The following NLRP14 variants were observed in gnomAD, a reference collection of about 807,000 sequenced individuals.
The protein encoded by NLRP14 is NACHT, LRR and PYD domains-containing protein 14.
A neutral mutation model predicts 94.7 loss-of-function variants in NLRP14; 105 were observed. That is an observed-to-expected ratio of 1.11 (90% CI 0.95 to 1.30). The LOEUF (loss-of-function observed/expected upper bound fraction) is 1.30. NLRP14 is among the 50% of genes most tolerant of loss of function. NLRP14 has a pLI of 0.00. For missense variants in NLRP14, 1,362 were observed against 1,254.1 expected (o/e 1.09, Z -1.30); for synonymous variants, 508 against 459.9 (o/e 1.10, Z -1.34).
chr11:7,059,576 C>T (rs1852580761), intron 8 of NLRP14, among the ~76,000 whole-genome samples: 1 of 151,944 alleles, frequency 6.6e-6, no homozygotes, highest in Non-Finnish European at 1.5e-5. Flanking sequence ...ATTAAGATTA[C>T]TCTTATTCTA....
chr11:7,069,831 T>G (rs1206662711), intron 10 of NLRP14, among the ~76,000 whole-genome samples: 1 of 152,120 alleles, frequency 6.6e-6, no homozygotes, highest in African/African-American at 2.4e-5. Flanking sequence ...TTCACCATGT[T>G]GGCCTGGTTG....
At chr11:7,058,184 A>C in intron 7 of NLRP14, 96 bp from the exon 8 acceptor site, 1 of 967,522 alleles carries the variant, frequency 1.0e-6, no homozygotes, top group Non-Finnish European at 1.7e-6. Flanking sequence ...TAGTTGAGGT[A>C]TGGGGGTTAT....
the NLRP14 span, among the ~76,000 whole-genome samples, chr11:7,084,226 C>A: frequency 6.6e-6 from 1 of 152,156 alleles, no homozygotes; most frequent in African/African-American, 2.4e-5. Flanking sequence ...AAAGTCAGTC[C>A]TGGGGAAAAG....
chr11:7,025,912 T>C (rs1852008765), intron 1 of NLRP14, among the ~76,000 whole-genome samples: 1 of 152,066 alleles, frequency 6.6e-6, no homozygotes, highest in South Asian at 2.1e-4. Context: ...TACAATAAAA[T>C]AAAGCCACGC....
At chr11:7,062,775 G>C (rs896109491) in intron 10 of NLRP14, among the ~76,000 whole-genome samples, 2 of 151,994 alleles carry the variant, frequency 1.3e-5, no homozygotes, top group African/African-American at 2.4e-5. Context: ...TTCATGTTCT[G>C]TCATCCTTCA....
chr11:7,089,917 G>A, the NLRP14 span: 83 of 1,612,944 alleles, frequency 5.1e-5, no homozygotes, highest in African/African-American at 9.1e-4. Context: ...TACGGAGGTC[G>A]CGACCGTGAC....
chr11:7,037,487 G>T (rs1314361015), intron 1 of NLRP14, among the ~76,000 whole-genome samples: 4 of 152,144 alleles, frequency 2.6e-5, no homozygotes, highest in Non-Finnish European at 5.9e-5. Flanking sequence ...TTTAGTGAAA[G>T]ATCTAAGTTG....
chr11:7,045,708 G>T (rs1327791058), intron 4 of NLRP14, among the ~76,000 whole-genome samples: 3 of 151,670 alleles, frequency 2.0e-5, no homozygotes, highest in Admixed American at 6.6e-5. Context: ...TATATATAAG[G>T]CAACACACTA....
chr11:7,028,650 A>G (rs868516209), intron 1 of NLRP14, among the ~76,000 whole-genome samples: 23 of 152,190 alleles, frequency 1.5e-4, no homozygotes, highest in Middle Eastern at 3.4e-3. Flanking sequence ...CTCTCTTCCT[A>G]CCTTTCTCAT....
chr11:7,089,097 T>TGACC, the NLRP14 span: 1 of 1,608,278 alleles, frequency 6.2e-7, no homozygotes, highest in Non-Finnish European at 8.5e-7. Context: ...CCACCGCCAC[T>TGACC]GACCGACCGT....
At chr11:7,053,254 A>G (rs117508699) in intron 6 of NLRP14, among the ~76,000 whole-genome samples, 20 of 152,112 alleles carry the variant, frequency 1.3e-4, no homozygotes, top group Non-Finnish European at 2.2e-4. Context: ...TTTCAAAATC[A>G]GTAAGTTTGG....
chr11:7,051,013 A>G (rs1852434603), intron 6 of NLRP14, among the ~76,000 whole-genome samples: 1 of 152,190 alleles, frequency 6.6e-6, no homozygotes, highest in African/African-American at 2.4e-5. Flanking sequence ...AAGACAAGAA[A>G]AGCTTGGTGC....
intron 10 of NLRP14, among the ~76,000 whole-genome samples, chr11:7,068,235 A>G (rs569028607): frequency 6.6e-6 from 1 of 152,056 alleles, no homozygotes; most frequent in Non-Finnish European, 1.5e-5. Context: ...TTCTGTTTTT[A>G]TCTTATTTTT....
intron 6 of NLRP14, among the ~76,000 whole-genome samples, chr11:7,057,155 CT>C (rs1852528061): frequency 6.6e-6 from 1 of 152,012 alleles, no homozygotes; most frequent in Non-Finnish European, 1.5e-5. Flanking sequence ...TTCTGTTTCT[CT>C]TCCTTTTAAT....
At chr11:7,062,171 C>A (rs199475887) in intron 9 of NLRP14, among the ~76,000 whole-genome samples, 162 bp from the exon 10 acceptor site, 1 of 151,874 alleles carries the variant, frequency 6.6e-6, no homozygotes, top group Non-Finnish European at 1.5e-5. Flanking sequence ...ATTAAGAAAT[C>A]CCATCATTTT....
At chr11:7,089,923 G>A in the NLRP14 span, 4 of 1,612,794 alleles carry the variant, frequency 2.5e-6, no homozygotes, top group Admixed American at 1.7e-5. Flanking sequence ...GGTCGCGACC[G>A]TGACTACGGG....
At chr11:7,060,957 G>A (rs1271873839) in intron 9 of NLRP14, among the ~76,000 whole-genome samples, 2 of 151,822 alleles carry the variant, frequency 1.3e-5, no homozygotes, top group African/African-American at 4.8e-5. Flanking sequence ...TAAATACTTT[G>A]GCCAGCATGA....
chr11:7,046,887 C>T (rs1589864271), intron 5 of NLRP14, 55 bp downstream of exon 5: 5 of 1,306,264 alleles, frequency 3.8e-6, no homozygotes, highest in Admixed American at 1.7e-5. Context: ...TTCTGTGTCC[C>T]ATCTTCCACT....
the NLRP14 span, among the ~76,000 whole-genome samples, chr11:7,088,135 C>A: frequency 6.6e-6 from 1 of 152,170 alleles, no homozygotes; most frequent in Non-Finnish European, 1.5e-5. Context: ...CTTTGTCCAA[C>A]ATTTAGAGAA....
Sources: gnomAD v4.1 joint callset for allele counts (sites outside exome capture counted in the v4.1 genomes callset) on GRCh38, gnomAD v4.1.1 for gene constraint, MANE v1.5 for transcripts, NCBI Gene and HGNC (gene_info 2026-07-23, HGNC 2026-07-21) for gene names.